GHR: variants seen among roughly 807,000 people sequenced by gnomAD.
The protein encoded by GHR is growth hormone receptor.
In GHR, 35 loss-of-function variants were observed where a neutral mutation model predicts 67.1. The ratio of observed to expected loss-of-function variants is 0.52; its 90% CI spans 0.40 to 0.69. The LOEUF is 0.69. GHR is among the 30% of genes least tolerant of loss of function. GHR has a pLI of 0.00. For synonymous variants in GHR, 272 were observed against 269.1 expected, an observed-to-expected ratio of 1.01 and a Z score of -0.10; for missense variants, 792 against 764.6, an observed-to-expected ratio of 1.04 and a Z score of -0.42.
chr5:42,478,423 A>G (rs1420548583), intron 1 of GHR, among the ~76,000 whole-genome samples: 1 of 152,136 alleles, frequency 6.6e-6, no homozygotes, highest in Non-Finnish European at 1.5e-5. Context: ...CTGTGAAGAA[A>G]GTCATTGGTA....
chr5:42,653,629 G>A lies in GHR; in HGVS notation c.136+24526G>A, dbSNP rs149780849. On this transcript the variant is annotated intron_variant, in intron 3 of 9. Coordinates refer to ENST00000230882, the MANE Select transcript of GHR (RefSeq NM_000163.5). ...TAAATAAAGTTACATTAATAATTAC[G>A]GAATGGTAAGGGACCACTCAGAAAA... Among the ~76,000 whole-genome samples, 257 of 152,212 alleles carry A rather than the reference G, an allele frequency of 1.7e-3. 2 individuals carry two copies. Among genetic ancestry groups the A allele is most frequent in the Middle Eastern group, 3.4e-3 (1 of 294 alleles).
chr5:42,586,971 T>C (rs971520675), intron 2 of GHR, among the ~76,000 whole-genome samples: 1 of 152,078 alleles, frequency 6.6e-6, no homozygotes, highest in African/African-American at 2.4e-5. Flanking sequence ...TTGTTCAATA[T>C]TTGAGGTCAG....
intron 1 of GHR, among the ~76,000 whole-genome samples, chr5:42,447,182 T>C (rs983484941): frequency 3.3e-5 from 5 of 152,094 alleles, no homozygotes; most frequent in African/African-American, 1.2e-4. Flanking sequence ...GGGGAAGAGG[T>C]GGTTTTTGGT....
chr5:42,600,148 G>T (rs1752297989), intron 2 of GHR, among the ~76,000 whole-genome samples: 1 of 152,106 alleles, frequency 6.6e-6, no homozygotes, highest in Non-Finnish European at 1.5e-5. Flanking sequence ...TGGAGGCATG[G>T]GTCAATAGCT....
At chr5:42,499,473 A>G (rs969463116) in intron 1 of GHR, among the ~76,000 whole-genome samples, 1 of 152,218 alleles carries the variant, frequency 6.6e-6, no homozygotes, top group East Asian at 1.9e-4. Flanking sequence ...TCATGTGTAC[A>G]GTTTTCATGT....
chr5:42,559,485 G>A (rs1259381601), intron 1 of GHR, among the ~76,000 whole-genome samples: 1 of 152,220 alleles, frequency 6.6e-6, no homozygotes, highest in Non-Finnish European at 1.5e-5. Flanking sequence ...GTTGGAGACT[G>A]CAGTGAGCTA....
chr5:42,466,970 GCTTCTC>G lies in GHR; in HGVS notation c.-12+43017_-12+43022del. ...GCACCACACTTCTTATATTCATAGG[GCTTCTC>G]CCCAGTGTGGGTTCTCTGGTGCACC... On this transcript the variant is annotated intron_variant, in intron 1 of 9. Coordinates refer to ENST00000230882, the MANE Select transcript of GHR (RefSeq NM_000163.5). The G allele has an allele frequency of 1.7e-5, 26 of 1,566,656 alleles. No individual in the cohort carries two copies. In the South Asian group the frequency reaches 2.5e-4, roughly 15 times the overall value.
chr5:42,712,416 TACTA>T (rs1239603398), intron 7 of GHR, among the ~76,000 whole-genome samples: 2 of 152,172 alleles, frequency 1.3e-5, no homozygotes, highest in African/African-American at 4.8e-5. Flanking sequence ...TTCCTTCTGT[TACTA>T]ACAAAAAAGA....
chr5:42,499,412 G>A (rs1319422659), intron 1 of GHR, among the ~76,000 whole-genome samples: 1 of 152,186 alleles, frequency 6.6e-6, no homozygotes, highest in African/African-American at 2.4e-5. Flanking sequence ...CCTGGGTGGT[G>A]CCTGTTGTGA....
rs6176 is a variant in GHR at position 42,718,980 on chromosome 5, C to T, written c.1473C>T (p.Ser491=). The part of the protein sequence containing the change: ...LSNIDFYAQV[S]DITPAGSVVL... ...ACATCGACTTTTATGCCCAGGTGAG[C>T]GACATTACACCAGCAGGTAGTGTGG... Residue 491 remains serine (S), a synonymous_variant, in exon 10 of 10, where the codon AGC becomes AGT. Coordinates refer to ENST00000230882, the MANE Select transcript of GHR (RefSeq NM_000163.5). 0.024 allele frequency: 38,035 copies of T among 1,611,654 alleles called. 564 individuals carry two copies. The highest frequency in any genetic ancestry group is 0.064 in the Middle Eastern group (385 of 6,058).
chr5:42,475,171 C>A (rs1212107409), intron 1 of GHR, among the ~76,000 whole-genome samples: 3 of 152,118 alleles, frequency 2.0e-5, no homozygotes, highest in African/African-American at 7.2e-5. Flanking sequence ...AGCCACCGCG[C>A]CCAGCCTGCC....
At chr5:42,455,801 T>C (rs1350599015) in intron 1 of GHR, among the ~76,000 whole-genome samples, 2 of 152,186 alleles carry the variant, frequency 1.3e-5, no homozygotes, top group Admixed American at 6.5e-5. Context: ...CAAACTCTGG[T>C]TTATTGGTAA....
chr5:42,592,227 C>A lies in GHR; in HGVS notation c.70+26283C>A, dbSNP rs561023068. Among the ~76,000 whole-genome samples the A allele has an allele frequency of 7.2e-5, 11 of 152,304 alleles. No individual in the cohort carries two copies. In the South Asian group the frequency reaches 2.3e-3, roughly 32 times the overall value. ...GCTTGCAAGCTAGTTCTGCCCCTATCTGCCATCTTAATCCTAACATCTCCC... is the reference window on the plus strand; with the variant it reads ...GCTTGCAAGCTAGTTCTGCCCCTATATGCCATCTTAATCCTAACATCTCCC... On this transcript the variant is annotated intron_variant, in intron 2 of 9. Transcript: ENST00000230882.
intron 1 of GHR, among the ~76,000 whole-genome samples, chr5:42,451,795 T>C (rs1744063209): frequency 6.6e-6 from 1 of 152,046 alleles, no homozygotes; most frequent in South Asian, 2.1e-4. Context: ...TTTATGTGAG[T>C]CCTTATGTGT....
chr5:42,583,805 C>G (rs189740748), intron 2 of GHR, among the ~76,000 whole-genome samples: 24 of 151,656 alleles, frequency 1.6e-4, no homozygotes, highest in Admixed American at 1.3e-3. Context: ...GAAGGTGGTT[C>G]TTTCCTGCCT....
chr5:42,576,215 T>C (rs1375524527), intron 2 of GHR, among the ~76,000 whole-genome samples: 3 of 151,832 alleles, frequency 2.0e-5, no homozygotes, highest in Non-Finnish European at 4.4e-5. Flanking sequence ...TCTGCTACAG[T>C]GACTTTGGTA....
intron 1 of GHR, among the ~76,000 whole-genome samples, chr5:42,494,816 G>A (rs1331537056): frequency 6.6e-6 from 1 of 152,118 alleles, no homozygotes; most frequent in Non-Finnish European, 1.5e-5. Context: ...CTATAGATGA[G>A]TGAAATGCAA....
At chr5:42,630,411 T>C (rs1753879943) in intron 3 of GHR, among the ~76,000 whole-genome samples, 1 of 132,418 alleles carries the variant, frequency 7.6e-6, no homozygotes, top group African/African-American at 3.2e-5. Context: ...GCTATTCTTG[T>C]TGTTATTCTA....
intron 2 of GHR, among the ~76,000 whole-genome samples, chr5:42,566,716 T>C (rs1034950317): frequency 1.3e-5 from 2 of 151,920 alleles, no homozygotes; most frequent in African/African-American, 4.8e-5. Context: ...TTGCCTGGGC[T>C]TCTACAGAAG....
Sources: gnomAD v4.1 joint callset for allele counts (sites outside exome capture counted in the v4.1 genomes callset) on GRCh38, gnomAD v4.1.1 for gene constraint, MANE v1.5 for transcripts, NCBI Gene and HGNC (gene_info 2026-07-23, HGNC 2026-07-21) for gene names.